Variants in GRB2 observed in about 807,000 individuals in gnomAD.
GRB2 encodes the protein growth factor receptor bound protein 2.
GRB2 carries 2 observed loss-of-function variants against 27.4 expected under a neutral mutation model. That is an observed-to-expected ratio of 0.07 (90% CI 0.03 to 0.23). GRB2 has a LOEUF of 0.23. GRB2 is among the 10% of genes least tolerant of loss of function. The pLI is 1.00. For synonymous variants in GRB2, 94 were observed against 99.6 expected (o/e 0.94, Z 0.33); for missense variants, 102 against 282.4 (o/e 0.36, Z 4.58).
chr17:75,354,956 T>C (rs1183864703), intron 2 of GRB2, among the ~76,000 whole-genome samples: 1 of 152,152 alleles, frequency 6.6e-6, no homozygotes, highest in Non-Finnish European at 1.5e-5. Flanking sequence ...TACAGGCACA[T>C]GCCAACATGC....
intron 2 of GRB2, among the ~76,000 whole-genome samples, chr17:75,362,118 GC>G (rs58137495): frequency 0.89 from 134,509 of 151,920 alleles, 60,395 homozygotes; most frequent in Non-Finnish European, 0.96. Context: ...TCACCCTCAG[GC>G]CCAGTTTTAG....
rs560565737 is a variant in GRB2 at position 75,326,555 on chromosome 17, T to A, written c.177-535A>T. Among the ~76,000 whole-genome samples, 5 of 152,252 alleles carry A rather than the reference T, an allele frequency of 3.3e-5. No individual in the cohort carries two copies. The South Asian group carries it at 1.0e-3, about 31-fold the overall frequency. Reference sequence around the variant, plus strand: ...AAGGTTCAGATAGTATGAGGGTGCCTCTACCAGTAACTAAGGTCAGCATTC... The same window carrying A: ...AAGGTTCAGATAGTATGAGGGTGCCACTACCAGTAACTAAGGTCAGCATTC... On this transcript the variant is annotated intron_variant, in intron 3 of 5. Transcript: ENST00000316804.
At chr17:75,390,395 T>C (rs1221801931) in intron 2 of GRB2, among the ~76,000 whole-genome samples, 2 of 152,174 alleles carry the variant, frequency 1.3e-5, no homozygotes, top group East Asian at 1.9e-4. Flanking sequence ...TTTAGGGGTC[T>C]TGTCAGTGGA....
chr17:75,343,318 T>C (rs886117319), intron 2 of GRB2, among the ~76,000 whole-genome samples: 18 of 152,126 alleles, frequency 1.2e-4, no homozygotes, highest in African/African-American at 3.9e-4. Context: ...AAAATTTTTA[T>C]GGAACAGTCT....
intron 2 of GRB2, among the ~76,000 whole-genome samples, chr17:75,337,639 C>T (rs1465679330): frequency 2.0e-5 from 3 of 148,894 alleles, no homozygotes; most frequent in African/African-American, 7.4e-5. Flanking sequence ...GGCACAATCT[C>T]GGCTCACTGC....
At chr17:75,386,694 C>T (rs766574438) in intron 2 of GRB2, among the ~76,000 whole-genome samples, 148 of 152,262 alleles carry the variant, frequency 9.7e-4, no homozygotes, top group Admixed American at 2.0e-3. Context: ...ACTACTGATA[C>T]CCTAACATTT....
chr17:75,391,146 T>TC (rs2145870911), intron 2 of GRB2, among the ~76,000 whole-genome samples: 1 of 152,276 alleles, frequency 6.6e-6, no homozygotes, highest in East Asian at 1.9e-4. Flanking sequence ...CTTTTTTTTT[T>TC]CTTTTGGAGT....
chr17:75,348,802 A>G (rs1395261932), intron 2 of GRB2, among the ~76,000 whole-genome samples: 1 of 152,182 alleles, frequency 6.6e-6, no homozygotes, highest in African/African-American at 2.4e-5. Flanking sequence ...CAGTCTCCTG[A>G]GTAGCTGGGA....
intron 2 of GRB2, among the ~76,000 whole-genome samples, chr17:75,375,335 T>C (rs1363203900): frequency 6.6e-6 from 1 of 151,936 alleles, no homozygotes; most frequent in East Asian, 1.9e-4. Context: ...TTGCTGATTA[T>C]GAATTATGAT....
intron 2 of GRB2, among the ~76,000 whole-genome samples, chr17:75,384,881 AC>A (rs2078952365): frequency 6.6e-6 from 1 of 150,706 alleles, no homozygotes; most frequent in Non-Finnish European, 1.5e-5. Context: ...CTCTAGTTTG[AC>A]CTCATTTGTG....
intron 2 of GRB2, among the ~76,000 whole-genome samples, chr17:75,365,086 T>G (rs2078810810): frequency 6.6e-6 from 1 of 152,136 alleles, no homozygotes; most frequent in South Asian, 2.1e-4. Context: ...CCTTTATTTT[T>G]AGGACATTCT....
At chr17:75,332,330 G>A (rs1011001901) in intron 3 of GRB2, among the ~76,000 whole-genome samples, 9 of 152,092 alleles carry the variant, frequency 5.9e-5, no homozygotes, top group African/African-American at 1.4e-4. Context: ...TTAAGATACC[G>A]TCCCACAGCA....
intron 2 of GRB2, chr17:75,371,897 G>A (rs1168331227): frequency 6.6e-6 from 1 of 152,184 alleles, no homozygotes; most frequent in East Asian, 1.9e-4. Flanking sequence ...GCTTTCTGGA[G>A]GAGGATAGTA....
intron 2 of GRB2, among the ~76,000 whole-genome samples, chr17:75,374,567 C>A (rs2078879435): frequency 6.6e-6 from 1 of 151,962 alleles, no homozygotes; most frequent in South Asian, 2.1e-4. Context: ...TATTGACACA[C>A]ACACACACTA....
intron 2 of GRB2, among the ~76,000 whole-genome samples, chr17:75,381,866 T>C (rs1439610333): frequency 3.3e-5 from 5 of 152,136 alleles, no homozygotes; most frequent in Non-Finnish European, 7.3e-5. Context: ...TTTTTCTCAC[T>C]TTATAACTAA....
chr17:75,340,778 T>C (rs185502074), intron 2 of GRB2, among the ~76,000 whole-genome samples: 4 of 152,362 alleles, frequency 2.6e-5, no homozygotes, highest in Admixed American at 1.3e-4. Flanking sequence ...TTACAGTTTT[T>C]CTGCAACATG....
chr17:75,365,164 C>T (rs181887106), intron 2 of GRB2, among the ~76,000 whole-genome samples: 105 of 152,126 alleles, frequency 6.9e-4, no homozygotes, highest in Non-Finnish European at 1.3e-3. Context: ...GGCAGGTGTC[C>T]GACACCAACC....
rs1234890298 is a variant in GRB2, at chr17:75,318,774, C to CA, written c.*1593dup. 1 of 152,246 alleles carries CA rather than the reference C, an allele frequency of 6.6e-6. No homozygotes were observed. Among genetic ancestry groups the CA allele is most frequent in the Non-Finnish European group, 1.5e-5 (1 of 68,162 alleles). The allele number at this position is 152,246 out of a possible 1,614,324, so 9.4% of individuals were successfully genotyped here. On this transcript the variant is annotated 3_prime_UTR_variant, in exon 6 of 6. Transcript: ENST00000316804. ...ACTCACCTGGACAGGTCAGGGGACACAGGATGAAAGCCATGGCCCAATCTA... is the reference window on the plus strand; with the variant it reads ...ACTCACCTGGACAGGTCAGGGGACACAAGGATGAAAGCCATGGCCCAATCTA...
At chr17:75,373,953 C>T (rs2078873739) in intron 2 of GRB2, among the ~76,000 whole-genome samples, 1 of 151,746 alleles carries the variant, frequency 6.6e-6, no homozygotes, top group African/African-American at 2.4e-5. Context: ...GCCACCATGC[C>T]CGGCTAATTT....
Sources: gnomAD v4.1 joint callset for allele counts (sites outside exome capture counted in the v4.1 genomes callset) on GRCh38, gnomAD v4.1.1 for gene constraint, MANE v1.5 for transcripts, NCBI Gene and HGNC (gene_info 2026-07-23, HGNC 2026-07-21) for gene names.